Variants in EGR2 observed in about 807,000 individuals in gnomAD.
The protein encoded by EGR2 is E3 SUMO-protein ligase EGR2.
A neutral mutation model predicts 21.2 loss-of-function variants in EGR2; 2 were observed. The observed-to-expected ratio is 0.09, with a 90% confidence interval of 0.04 to 0.30. EGR2 has a LOEUF of 0.30. Among genes scored for constraint, EGR2 ranks in the 10% least tolerant of loss-of-function variants. The pLI is 1.00. For synonymous variants in EGR2, 282 were observed against 258.2 expected, an observed-to-expected ratio of 1.09 and a Z score of -0.88; for missense variants, 458 against 630.2, an observed-to-expected ratio of 0.73 and a Z score of 2.93.
chr10:62,816,752 G>A (rs979175665), upstream of EGR2, among the ~76,000 whole-genome samples: 3 of 152,168 alleles, frequency 2.0e-5, no homozygotes, highest in Non-Finnish European at 4.4e-5. Flanking sequence ...ATCCGGTGCC[G>A]GCGGCTCCGC....
In EGR2 at chr10:62,814,766, C is replaced by G. The variant is rs1371488458; in HGVS notation, c.170-298G>C. Among the ~76,000 whole-genome samples the G allele has an allele frequency of 6.6e-6, 1 of 152,228 alleles. No individual in the cohort carries two copies. Among genetic ancestry groups the G allele is most frequent in the Admixed American group, 6.5e-5 (1 of 15,284 alleles). ...TGGCTCTAGTCCCCAATAAAAAACA[C>G]CCAATAATAGCAACAACAATATTTT... On this transcript the variant is annotated intron_variant, in intron 1 of 1. Transcript: ENST00000242480. The surrounding 1 kb of genome is among the most constrained non-coding windows in gnomAD (Gnocchi z 4.8).
rs1352016135 is a variant in EGR2 at position 62,812,843 on chromosome 10, C to G, written c.*364G>C. ...AAACGTCTTAGATCAACTCTGACAT[C>G]CAGGGTCAAAAACCTGTGATGGGTC... On this transcript the variant is annotated 3_prime_UTR_variant, in exon 2 of 2. Transcript: ENST00000242480. 6 of 196,170 alleles carry G rather than the reference C, an allele frequency of 3.1e-5. No homozygotes were observed. The highest frequency in any genetic ancestry group is 1.2e-4 in the African/African-American group (5 of 42,926). 12.2% of individuals were successfully genotyped at this position (196,170 alleles called of 1,614,324 possible).
chr10:62,814,464 G>T lies in EGR2; in HGVS notation c.174C>A (p.Gly58=). ...FDQMNGVAGD[G]MINIDMTGEK... ...CTCCAGTCATGTCAATGTTGATCATGCCATCTGGGGAGGGGAAAGGCAGAA... is the reference window on the plus strand; with the variant it reads ...CTCCAGTCATGTCAATGTTGATCATTCCATCTGGGGAGGGGAAAGGCAGAA... Residue 58 remains glycine (G), a synonymous_variant, in exon 2 of 2, where the codon GGC becomes GGA. Transcript: ENST00000242480. The surrounding 1 kb of genome is among the most constrained non-coding windows in gnomAD (Gnocchi z 4.8). 6.2e-7 allele frequency: 1 copy of T among 1,614,008 alleles called. No individual in the cohort carries two copies. The highest frequency in any genetic ancestry group is 8.5e-7 in the Non-Finnish European group (1 of 1,179,974).
upstream of EGR2, among the ~76,000 whole-genome samples, chr10:62,818,372 G>T (rs900521676): frequency 2.0e-5 from 3 of 152,254 alleles, no homozygotes; most frequent in Non-Finnish European, 4.4e-5. Context: ...AAAGTTTCTC[G>T]CTCGCGCTGT....
In EGR2 at chr10:62,813,657, G is replaced by A; in HGVS notation, c.981C>T (p.Pro327=). ...GCACCGGCGTCTTGCTGGGTCTGTT[G>A]GGGTACTTGCGAGGCCTCAGAATGG... is the stretch of plus-strand genomic sequence containing the variant. ...LRPILRPRKY[P]NRPSKTPVHE... The change falls in exon 2 of 2, where the codon CCC becomes CCT. Residue 327 remains proline, a synonymous_variant. Coordinates refer to ENST00000242480, the MANE Select transcript of EGR2 (RefSeq NM_000399.5). This position sits in a 1 kb window ranked among gnomAD's most constrained non-coding sequence, Gnocchi z 5.7. 1 of 1,613,302 alleles carries A rather than the reference G, an allele frequency of 6.2e-7. No individual in the cohort carries two copies.
At position 62,813,993 on chromosome 10, in the gene EGR2, C is replaced by T. The variant is rs781408172; in HGVS notation, c.645G>A (p.Thr215=). Reference sequence around the variant, plus strand: ...GGATCATTGGGAAGAGACCTGGGTCCGTGGCTGGCTTGGGGGATGGATAGG... The same window carrying T: ...GGATCATTGGGAAGAGACCTGGGTCTGTGGCTGGCTTGGGGGATGGATAGG... The part of the protein sequence containing the change: ...PPSYPSPKPA[T]DPGLFPMIPD... The change falls in exon 2 of 2, where the codon ACG becomes ACA. Residue 215 remains threonine, a synonymous_variant. Coordinates refer to ENST00000242480, the MANE Select transcript of EGR2 (RefSeq NM_000399.5). This position sits in a 1 kb window ranked among gnomAD's most constrained non-coding sequence, Gnocchi z 5.7. 72 of 1,613,936 alleles carry T rather than the reference C, an allele frequency of 4.5e-5. No individual in the cohort carries two copies. Among genetic ancestry groups the T allele is most frequent in the Non-Finnish European group, 5.6e-5 (66 of 1,180,012 alleles).
chr10:62,813,201 C>T lies in EGR2; in HGVS notation c.*6G>A. 1 of 1,558,774 alleles carries T rather than the reference C, an allele frequency of 6.4e-7. No homozygotes were observed. Among genetic ancestry groups the T allele is most frequent in the Non-Finnish European group, 8.6e-7 (1 of 1,157,962 alleles). ...TGGGAGCTGGTGTATCAGCCTGAGT[C>T]TCATCTCAAGGTGTCCGGGTCCGAG... is the stretch of plus-strand genomic sequence containing the variant. On this transcript the variant is annotated 3_prime_UTR_variant, in exon 2 of 2. Coordinates refer to ENST00000242480, the MANE Select transcript of EGR2 (RefSeq NM_000399.5). The surrounding 1 kb of genome is among the most constrained non-coding windows in gnomAD (Gnocchi z 5.7).
intron 1 of EGR2, 42 bp downstream of exon 1, chr10:62,815,819 C>A (rs771716154): frequency 3.2e-5 from 51 of 1,611,912 alleles, no homozygotes; most frequent in Non-Finnish European, 4.2e-5. Flanking sequence ...TCCACCACCT[C>A]CGGGCCGCGC....
At position 62,816,312 on chromosome 10, in the gene EGR2, T is replaced by C. The variant is rs1186947755; in HGVS notation, c.-283A>G. 1 of 1,307,008 alleles carries C rather than the reference T, an allele frequency of 7.7e-7. No homozygotes were observed. The highest frequency in any genetic ancestry group is 9.8e-7 in the Non-Finnish European group (1 of 1,020,112). 81.0% of individuals were successfully genotyped at this position (1,307,008 alleles called of 1,614,324 possible). On this transcript the variant is annotated 5_prime_UTR_variant, in exon 1 of 2. Coordinates refer to ENST00000242480, the MANE Select transcript of EGR2 (RefSeq NM_000399.5). ...AGGAGTTGCTGGTGTAGTGTTATTA[T>C]AACAGTCAGTGAGTCCCCTCGCCGA...
chr10:62,819,069 T>A (rs951806598), upstream of EGR2: 1 of 152,108 alleles, frequency 6.6e-6, no homozygotes, highest in Non-Finnish European at 1.5e-5. Context: ...CATCAAGGAG[T>A]CTTGAAAGCA....
At position 62,816,134 on chromosome 10, in the gene EGR2, G is replaced by C. The variant is rs1298173456; in HGVS notation, c.-105C>G. On this transcript the variant is annotated 5_prime_UTR_variant, in exon 1 of 2. Transcript: ENST00000242480. ...TGAGCCTGGGATGGTATCTCCTTTT[G>C]CCCTCCACACTTAAAAACAACCACC... 1 of 1,605,518 alleles carries C rather than the reference G, an allele frequency of 6.2e-7. No homozygotes were observed. Among genetic ancestry groups the C allele is most frequent in the African/African-American group, 1.3e-5 (1 of 74,756 alleles).
In EGR2 at chr10:62,813,143, C is replaced by T. The variant is rs1842151276; in HGVS notation, c.*64G>A. 1 of 1,485,834 alleles carries T rather than the reference C, an allele frequency of 6.7e-7. No homozygotes were observed. Among genetic ancestry groups the T allele is most frequent in the South Asian group, 1.3e-5 (1 of 74,484 alleles). The allele number at this position is 1,485,834 out of a possible 1,614,324, so 92.0% of individuals were successfully genotyped here. A position where few individuals can be genotyped will look rare whatever the true frequency, so the allele number is the denominator to read the frequency against. ...GGAAAGGGTGGTAGTGTTTGTTGTG[C>T]AGCTCCAGTGGACAAAGGGCCTCCG... On this transcript the variant is annotated 3_prime_UTR_variant, in exon 2 of 2. Coordinates refer to ENST00000242480, the MANE Select transcript of EGR2 (RefSeq NM_000399.5). This position sits in a 1 kb window ranked among gnomAD's most constrained non-coding sequence, Gnocchi z 5.7.
chr10:62,813,818 C>T lies in EGR2; in HGVS notation c.820G>A (p.Gly274Arg). Residue 274 changes from glycine (G) to arginine (R), a missense_variant, in exon 2 of 2, where the codon GGG becomes AGG. Around this residue, in one of 5 missense-constraint regions of EGR2, gnomAD observed 253 missense variants for 315.5 expected, o/e 0.80. Coordinates refer to ENST00000242480, the MANE Select transcript of EGR2 (RefSeq NM_000399.5). This position sits in a 1 kb window ranked among gnomAD's most constrained non-coding sequence, Gnocchi z 5.7. ...CCGGTCACCCCAGCACTGGGGCCCC[C>T]CAGGGTAAAGTTACGGATTGTAGAG... is the stretch of plus-strand genomic sequence containing the variant. ...PLSTIRNFTL[G>R]GPSAGVTGPG... 1.2e-6 allele frequency: 2 copies of T among 1,613,960 alleles called. No homozygotes were observed. The highest frequency in any genetic ancestry group is 1.7e-6 in the Non-Finnish European group (2 of 1,179,948).
At chr10:62,816,432 A>G (rs1255176209), upstream of EGR2, 6 of 1,128,148 alleles carry the variant, frequency 5.3e-6, no homozygotes, top group Non-Finnish European at 6.7e-6. Flanking sequence ...CGCTGCCCAT[A>G]TATGGACTGA....
Position 62,812,237 on chromosome 10 carries a change from A to T in EGR2, c.*970T>A, listed in dbSNP as rs1047419422. The T allele has an allele frequency of 6.6e-5, 10 of 151,346 alleles. No homozygotes were observed. Among genetic ancestry groups the T allele is most frequent in the African/African-American group, 2.2e-4 (9 of 40,832 alleles). The allele number at this position is 151,346 out of a possible 1,614,324, so 9.4% of individuals were successfully genotyped here. On this transcript the variant is annotated 3_prime_UTR_variant, in exon 2 of 2. Transcript: ENST00000242480. ...CTTTCTAAAAAAAATTCCAAATATT[A>T]ATAGGCAGAAATATACAGCCATACT...
rs1564708214 is a variant in EGR2, at chr10:62,814,898, T to C, written c.170-430A>G. Among the ~76,000 whole-genome samples, 1 of 152,134 alleles carries C rather than the reference T, an allele frequency of 6.6e-6. No individual in the cohort carries two copies. The highest frequency in any genetic ancestry group is 1.5e-5 in the Non-Finnish European group (1 of 68,028). ...CCAAGAATCGACCTATCCCAGTCAG[T>C]GCCGTGATGGTGCCAAACCGAGAGG... On this transcript the variant is annotated intron_variant, in intron 1 of 1. Transcript: ENST00000242480. This position sits in a 1 kb window ranked among gnomAD's most constrained non-coding sequence, Gnocchi z 4.8.
Position 62,813,315 on chromosome 10 carries a change from G to T in EGR2, c.1323C>A (p.Ala441=). The T allele has an allele frequency of 6.3e-7, 1 of 1,582,424 alleles. No homozygotes were observed. Among genetic ancestry groups the T allele is most frequent in the Non-Finnish European group, 8.6e-7 (1 of 1,161,410 alleles). The change falls in exon 2 of 2, where the codon GCC becomes GCA. Residue 441 remains alanine, a synonymous_variant. Coordinates refer to ENST00000242480, the MANE Select transcript of EGR2 (RefSeq NM_000399.5). The surrounding 1 kb of genome is among the most constrained non-coding windows in gnomAD (Gnocchi z 5.7). ...CAGGCTGCACGCCCCCAGAGCAGGA[G>T]GCTGTAGAGGGGGCTGGCACCGATG... is the stretch of plus-strand genomic sequence containing the variant. ...PSASVPAPST[A]SCSGGVQPGG...
rs776869045 is a variant in EGR2 at position 62,814,432 on chromosome 10, C to T, written c.206G>A (p.Arg69Lys). 2.5e-6 allele frequency: 4 copies of T among 1,614,108 alleles called. No individual in the cohort carries two copies. Among genetic ancestry groups the T allele is most frequent in the Admixed American group, 1.7e-5 (1 of 60,024 alleles). ...GCTGGGATATGGGAGATCCAACGAC[C>T]TCTTCTCTCCAGTCATGTCAATGTT... ...MINIDMTGEKRSLDLPYPSSF... is the reference protein window; with the variant it reads ...MINIDMTGEKKSLDLPYPSSF... The change falls in exon 2 of 2, where the codon AGG becomes AAG. Residue 69 changes from arginine to lysine, a missense_variant. Transcript: ENST00000242480. This position sits in a 1 kb window ranked among gnomAD's most constrained non-coding sequence, Gnocchi z 4.8.
Position 62,815,000 on chromosome 10 carries a change from T to C in EGR2, c.170-532A>G, listed in dbSNP as rs933625416. On this transcript the variant is annotated intron_variant, in intron 1 of 1. Coordinates refer to ENST00000242480, the MANE Select transcript of EGR2 (RefSeq NM_000399.5). The surrounding 1 kb of genome is among the most constrained non-coding windows in gnomAD (Gnocchi z 4.8). ...CCTTGTGCCTTTTTCTCCCTCCCTC[T>C]CCCGCTGCGCTTCAGCCGAGGGCTG... Among the ~76,000 whole-genome samples the C allele has an allele frequency of 6.6e-6, 1 of 152,176 alleles. No individual in the cohort carries two copies. The highest frequency in any genetic ancestry group is 1.5e-5 in the Non-Finnish European group (1 of 68,012).
Sources: allele counts gnomAD v4.1 joint callset (sites outside exome capture counted in the v4.1 genomes callset), GRCh38; gene constraint gnomAD v4.1.1; regional missense constraint gnomAD v4.1.1; non-coding constraint Gnocchi (gnomAD v3.1); transcripts MANE v1.5; gene names NCBI Gene and HGNC (gene_info 2026-07-23, HGNC 2026-07-21).